Variants in NTM observed in about 807,000 individuals in gnomAD.
NTM encodes the protein IgLON family member 2.
Under a neutral mutation model 42.1 loss-of-function variants are expected in NTM, and 13 were observed. The observed-to-expected ratio is 0.31, with a 90% CI of 0.20 to 0.49. NTM has a LOEUF of 0.49. NTM is among the 20% of genes least tolerant of loss of function. NTM has a pLI of 0.99. For synonymous variants in NTM, 187 were observed against 179.2 expected, an observed-to-expected ratio of 1.04 and a Z score of -0.35; for missense variants, 373 against 452.8, an observed-to-expected ratio of 0.82 and a Z score of 1.60.
chr11:131,789,551 AAG>A (rs2090287991), intron 1 of NTM, among the ~76,000 whole-genome samples: 1 of 8,672 alleles, frequency 1.2e-4, no homozygotes, highest in Non-Finnish European at 2.0e-4. Flanking sequence ...AGAAGAAAAG[AAG>A]AAGAAGAAGA....
At chr11:131,856,920 G>T (rs1273380665) in intron 1 of NTM, among the ~76,000 whole-genome samples, 2 of 152,164 alleles carry the variant, frequency 1.3e-5, no homozygotes, top group African/African-American at 2.4e-5. Flanking sequence ...TAAAACTGGG[G>T]CTGGCAGCCA....
intron 2 of NTM, among the ~76,000 whole-genome samples, chr11:132,099,563 G>A (rs1254713295): frequency 1.3e-5 from 2 of 152,098 alleles, no homozygotes; most frequent in Non-Finnish European, 2.9e-5. Context: ...GAAGTGACTT[G>A]CCCCGGGTAG....
intron 1 of NTM, among the ~76,000 whole-genome samples, chr11:131,553,219 G>A (rs1436433602): frequency 2.6e-5 from 4 of 152,190 alleles, no homozygotes; most frequent in African/African-American, 7.2e-5. Context: ...TCTATTTCTT[G>A]TCTGGGTGGT....
intron 2 of NTM, among the ~76,000 whole-genome samples, chr11:132,025,563 C>G (rs1230917976): frequency 6.6e-6 from 1 of 152,126 alleles, no homozygotes; most frequent in Non-Finnish European, 1.5e-5. Flanking sequence ...TCAAGCAGCC[C>G]TCTGATGCTC....
chr11:131,852,489 G>A (rs1308617181), intron 1 of NTM, among the ~76,000 whole-genome samples: 1 of 152,086 alleles, frequency 6.6e-6, no homozygotes, highest in African/African-American at 2.4e-5. Context: ...ATTTCCTTAA[G>A]GAGTAGAGTA....
At chr11:131,521,592 G>A (rs1396917588) in intron 1 of NTM, among the ~76,000 whole-genome samples, 6 of 151,374 alleles carry the variant, frequency 4.0e-5, no homozygotes, top group Non-Finnish European at 5.9e-5. Flanking sequence ...CCAGCCCGTA[G>A]GGGGACTCTT....
intron 3 of NTM, among the ~76,000 whole-genome samples, chr11:132,152,069 A>T (rs941357716): frequency 6.6e-6 from 1 of 152,194 alleles, no homozygotes; most frequent in African/African-American, 2.4e-5. Flanking sequence ...AATAACTTTT[A>T]ATTTCTAGGT....
At chr11:132,262,142 G>C (rs911952484) in intron 4 of NTM, among the ~76,000 whole-genome samples, 20 of 152,264 alleles carry the variant, frequency 1.3e-4, no homozygotes, top group African/African-American at 4.8e-4. Context: ...TATTAGCCAG[G>C]GGGACTCTGA....
chr11:131,839,638 C>CT (rs2043971710), intron 1 of NTM, among the ~76,000 whole-genome samples: 1 of 152,204 alleles, frequency 6.6e-6, no homozygotes, highest in South Asian at 2.1e-4. Context: ...GACTTTTACT[C>CT]TGACAGTCAC....
At chr11:132,098,718 G>A (rs1294011150) in intron 2 of NTM, among the ~76,000 whole-genome samples, 1 of 152,266 alleles carries the variant, frequency 6.6e-6, no homozygotes, top group Non-Finnish European at 1.5e-5. Context: ...AAGGCGTGGT[G>A]AACTTGTAGC....
chr11:132,335,041 C>T lies in NTM; in HGVS notation c.968-5C>T. 2 of 1,611,674 alleles carry T rather than the reference C, an allele frequency of 1.2e-6. No homozygotes were observed. Among genetic ancestry groups the T allele is most frequent in the Non-Finnish European group, 1.7e-6 (2 of 1,179,830 alleles). On this transcript the variant is annotated splice_polypyrimidine_tract_variant and splice_region_variant and intron_variant, in intron 8 of 8. Transcript: ENST00000683400. ...CCACTCACGGCGAGTGTGTTCTCTC[C>T]ACAGGTCCAGGCGCCGTCAGCGAGG...
intron 1 of NTM, chr11:131,537,968 G>A (rs2052545861): frequency 1.3e-5 from 2 of 152,246 alleles, no homozygotes; most frequent in South Asian, 4.1e-4. Context: ...TGCTCGGGCC[G>A]GGAGGAATTC....
chr11:132,202,285 G>A (rs530957470), intron 3 of NTM, among the ~76,000 whole-genome samples: 88 of 152,136 alleles, frequency 5.8e-4, no homozygotes, highest in Non-Finnish European at 1.0e-3. Context: ...GATTTACAAG[G>A]GAGCAGCAAA....
At chr11:131,794,569 G>A (rs1565560608) in intron 1 of NTM, 1 of 985,238 alleles carries the variant, frequency 1.0e-6, no homozygotes, top group Non-Finnish European at 1.2e-6. Flanking sequence ...AGTTCTACAA[G>A]TGCTTGAATA....
intron 1 of NTM, among the ~76,000 whole-genome samples, chr11:131,885,283 G>C (rs1331588639): frequency 3.3e-5 from 5 of 152,188 alleles, no homozygotes; most frequent in African/African-American, 9.6e-5. Context: ...CAGCTGGAGA[G>C]GAAAAGGTGA....
chr11:131,389,732 G>C (rs1943771983), intron 1 of NTM, among the ~76,000 whole-genome samples: 1 of 152,232 alleles, frequency 6.6e-6, no homozygotes, highest in African/African-American at 2.4e-5. Context: ...GACTGTGTGT[G>C]TAAGGCTGGG....
chr11:131,416,791 C>T (rs1448355), intron 1 of NTM, among the ~76,000 whole-genome samples: 90,839 of 152,016 alleles, frequency 0.6, 27,721 homozygotes, highest in Non-Finnish European at 0.63. Context: ...TCCTTTTAAA[C>T]AGAATTTGAA....
chr11:132,315,039 G>A, intron 7 of NTM: 2 of 1,082,164 alleles, frequency 1.8e-6, no homozygotes, highest in Non-Finnish European at 2.2e-6. Context: ...AAGATCCCGA[G>A]ATAGGAGAAA....
chr11:131,852,270 G>A (rs1013691207), intron 1 of NTM, among the ~76,000 whole-genome samples: 3 of 152,122 alleles, frequency 2.0e-5, no homozygotes, highest in Admixed American at 2.0e-4. Flanking sequence ...CATCTAAAAG[G>A]TCTAAAATCT....
Sources: allele counts gnomAD v4.1 joint callset (sites outside exome capture counted in the v4.1 genomes callset), GRCh38; gene constraint gnomAD v4.1.1; transcripts MANE v1.5; gene names NCBI Gene and HGNC (gene_info 2026-07-23, HGNC 2026-07-21).